The following RPSA2 variants were observed in gnomAD, a reference collection of about 807,000 sequenced individuals.
RPSA2 encodes ribosomal protein SA 2.
At chr19:23,854,743 G>A in the RPSA2 span, among the ~76,000 whole-genome samples, 2 of 152,174 alleles carry the variant, frequency 1.3e-5, no homozygotes, top group African/African-American at 4.8e-5. Context: ...TGCAATTATA[G>A]CAGGCTCCAA....
chr19:23,846,125 A>G, the RPSA2 span, among the ~76,000 whole-genome samples: 12 of 152,148 alleles, frequency 7.9e-5, no homozygotes, highest in East Asian at 2.1e-3. Flanking sequence ...GTTTTATTTG[A>G]TATAAGACAG....
At chr19:23,824,580 C>CTTTCTATTTTTTTT in the RPSA2 span, among the ~76,000 whole-genome samples, 1 of 63,822 alleles carries the variant, frequency 1.6e-5, no homozygotes, top group African/African-American at 6.1e-5. Context: ...TATAGCATTT[C>CTTTCTATTTTTTTT]TTTTTTTTTT....
the RPSA2 span, among the ~76,000 whole-genome samples, chr19:23,866,513 G>GCCCCCC: frequency 3.0e-4 from 42 of 142,274 alleles, no homozygotes; most frequent in South Asian, 4.6e-4. Context: ...ACAATGTGGT[G>GCCCCCC]CCCCCCCCCG....
At chr19:23,759,566 C>A in the RPSA2 span, among the ~76,000 whole-genome samples, 137,061 of 140,124 alleles carry the variant, frequency 0.98, 67,126 homozygotes, top group East Asian at 1. Context: ...CTCTGTTGCC[C>A]AGGATGGAGT....
the RPSA2 span, among the ~76,000 whole-genome samples, chr19:23,839,768 C>T: frequency 0.98 from 148,992 of 152,320 alleles, 72,961 homozygotes; most frequent in Middle Eastern, 1. Flanking sequence ...GGGGATTCAG[C>T]GAGCTCCCAG....
chr19:23,824,335 G>A, the RPSA2 span, among the ~76,000 whole-genome samples: 1 of 149,512 alleles, frequency 6.7e-6, no homozygotes, highest in African/African-American at 2.5e-5. Context: ...AGCTCGTCTT[G>A]TGACCTTGTC....
chr19:23,797,423 GTTC>G, the RPSA2 span, among the ~76,000 whole-genome samples: 3 of 152,006 alleles, frequency 2.0e-5, no homozygotes, highest in African/African-American at 7.3e-5. Context: ...CTGTTTTTTT[GTTC>G]TTATTTGTTT....
the RPSA2 span, among the ~76,000 whole-genome samples, chr19:23,844,709 T>A: frequency 6.9e-4 from 74 of 106,914 alleles, no homozygotes; most frequent in African/African-American, 2.5e-3. Context: ...TTTTATAATA[T>A]AATAATAATA....
At chr19:23,815,372 G>C in the RPSA2 span, among the ~76,000 whole-genome samples, 3 of 83,708 alleles carry the variant, frequency 3.6e-5, no homozygotes, top group Admixed American at 3.8e-4. Flanking sequence ...GGTCATGGGA[G>C]CAAAGTCTTC....
the RPSA2 span, among the ~76,000 whole-genome samples, chr19:23,784,502 A>G: frequency 3.3e-5 from 5 of 152,228 alleles, no homozygotes; most frequent in Admixed American, 6.5e-5. Context: ...GACTCAGCCA[A>G]TTAGAGAGAT....
At chr19:23,853,458 GTTTTTC>G in the RPSA2 span, among the ~76,000 whole-genome samples, 3 of 152,184 alleles carry the variant, frequency 2.0e-5, no homozygotes, top group Non-Finnish European at 2.9e-5. Flanking sequence ...AAAGCCTCCA[GTTTTTC>G]TTTAGAGAGC....
chr19:23,767,665 C>A, the RPSA2 span, among the ~76,000 whole-genome samples: 8 of 151,554 alleles, frequency 5.3e-5, no homozygotes, highest in African/African-American at 1.9e-4. Flanking sequence ...TATGGTCTGA[C>A]TTGACAGTGG....
At chr19:23,823,378 A>G in the RPSA2 span, among the ~76,000 whole-genome samples, 3 of 152,036 alleles carry the variant, frequency 2.0e-5, no homozygotes, top group African/African-American at 7.2e-5. Context: ...CACAATTACT[A>G]AATTGTGGGG....
the RPSA2 span, chr19:23,832,751 A>T: frequency 6.4e-7 from 1 of 1,561,252 alleles, no homozygotes; most frequent in Non-Finnish European, 8.7e-7. Context: ...GCTTTTAGCC[A>T]GTCATCAATC....
the RPSA2 span, among the ~76,000 whole-genome samples, chr19:23,824,883 A>G: frequency 6.6e-6 from 1 of 151,690 alleles, no homozygotes; most frequent in African/African-American, 2.4e-5. Context: ...ATCTTCAAAT[A>G]ACCTCTGTAT....
chr19:23,808,578 G>T, the RPSA2 span: 239,927 of 243,348 alleles, frequency 0.99, 118,386 homozygotes, highest in East Asian at 1. Flanking sequence ...TTTCTAAATA[G>T]TTAAACATTT....
the RPSA2 span, among the ~76,000 whole-genome samples, chr19:23,835,412 CATTTT>C: frequency 1.3e-5 from 2 of 151,990 alleles, no homozygotes; most frequent in Non-Finnish European, 2.9e-5. Context: ...CAAAATAAAT[CATTTT>C]AATCAGGGGC....
At chr19:23,789,023 C>CTTTTTTTTTTTTTTT in the RPSA2 span, among the ~76,000 whole-genome samples, 1 of 129,418 alleles carries the variant, frequency 7.7e-6, no homozygotes, top group Admixed American at 8.5e-5. Flanking sequence ...TTCTTTCTTT[C>CTTTTTTTTTTTTTTT]TTTTTTTTTT....
the RPSA2 span, among the ~76,000 whole-genome samples, chr19:23,850,036 C>T: frequency 6.6e-6 from 1 of 152,014 alleles, no homozygotes; most frequent in African/African-American, 2.4e-5. Context: ...TGGATACAAC[C>T]AGGTGCATGT....
Sources: allele counts gnomAD v4.1 joint callset (sites outside exome capture counted in the v4.1 genomes callset), GRCh38; gene constraint gnomAD v4.1.1; transcripts MANE v1.5; gene names NCBI Gene and HGNC (gene_info 2026-07-23, HGNC 2026-07-21).